Variants in SYT9 observed in about 807,000 individuals in gnomAD.
The protein encoded by SYT9 is synaptotagmin 9, also known as synaptotagmin-9.
A neutral mutation model predicts 48.4 loss-of-function variants in SYT9; 22 were observed. The ratio of observed to expected loss-of-function variants is 0.45; its 90% confidence interval spans 0.32 to 0.65. The LOEUF is 0.65. Among genes scored for constraint, SYT9 ranks in the 30% least tolerant of loss-of-function variants. The probability of loss-of-function intolerance (pLI) is 0.03; values close to 1 mark genes in which losing one functional copy is unlikely to be tolerated. For synonymous variants in SYT9, 265 were observed against 245.0 expected (o/e 1.08, Z -0.76); for missense variants, 577 against 622.0 (o/e 0.93, Z 0.77).
chr11:7,314,340 A>G lies in SYT9; in HGVS notation c.1044+399A>G. On this transcript the variant is annotated intron_variant, in intron 3 of 6. Coordinates refer to ENST00000318881, the MANE Select transcript of SYT9 (RefSeq NM_175733.4). ...ACCATTACCTGACTCTGACAGCAGT[A>G]GGTACTTACCTGTCTTCTGAGGTTG... 3 of 372,238 alleles carry G rather than the reference A, an allele frequency of 8.1e-6. 1 individual carries two copies. Among genetic ancestry groups the G allele is most frequent in the South Asian group, 6.3e-5 (3 of 47,602 alleles). 23.1% of individuals were successfully genotyped at this position (372,238 alleles called of 1,614,324 possible).
At chr11:7,241,645 G>A (rs994767423) in intron 1 of SYT9, among the ~76,000 whole-genome samples, 1 of 152,160 alleles carries the variant, frequency 6.6e-6, no homozygotes, top group African/African-American at 2.4e-5. Context: ...TAGTCAAGTG[G>A]GACTGGATTA....
At chr11:7,462,063 G>A (rs964552181) in intron 6 of SYT9, among the ~76,000 whole-genome samples, 1 of 151,900 alleles carries the variant, frequency 6.6e-6, no homozygotes, top group Non-Finnish European at 1.5e-5. Context: ...TTCATTTCTG[G>A]ACTAAGAATC....
intron 3 of SYT9, among the ~76,000 whole-genome samples, chr11:7,375,178 C>A (rs1393065585): frequency 6.6e-6 from 1 of 152,150 alleles, no homozygotes; most frequent in African/African-American, 2.4e-5. Context: ...AATAGGGAAT[C>A]CTTTCCCCAT....
At chr11:7,383,298 C>T (rs1292396572) in intron 3 of SYT9, among the ~76,000 whole-genome samples, 1 of 152,142 alleles carries the variant, frequency 6.6e-6, no homozygotes. Context: ...TAGAAAGAGG[C>T]TCTGTAAGTA....
Position 7,252,322 on chromosome 11 carries a change from C to T in SYT9, c.136C>T (p.Arg46Cys). 1.3e-6 allele frequency: 2 copies of T among 1,491,888 alleles called. No individual in the cohort carries two copies. The highest frequency in any genetic ancestry group is 8.9e-7 in the Non-Finnish European group (1 of 1,119,532). 92.4% of individuals were successfully genotyped at this position (1,491,888 alleles called of 1,614,324 possible). Reference protein sequence around the residue: ...HLRDRARPRLRDPDISVSLLT... With the variant: ...HLRDRARPRLCDPDISVSLLT... The stretch of plus-strand genomic sequence containing the variant: ...GCGGGACCGTGCCAGACCCCGGCTC[C>T]GCGACCCAGGTGAGTGCCGCCACCG... The change falls in exon 1 of 7, where the codon CGC becomes TGC. Residue 46 changes from arginine (R) to cysteine (C), a missense_variant. Physicochemically the swap from Arg to Cys is radical, Grantham distance 180. Transcript: ENST00000318881. The surrounding 1 kb of genome is among the most constrained non-coding windows in gnomAD (Gnocchi z 6.3).
chr11:7,420,227 C>T (rs775160720), intron 5 of SYT9, among the ~76,000 whole-genome samples: 14 of 152,134 alleles, frequency 9.2e-5, no homozygotes, highest in African/African-American at 1.9e-4. Context: ...AGATCCAGGA[C>T]GAGAGGTGGC....
intron 3 of SYT9, among the ~76,000 whole-genome samples, chr11:7,359,457 A>T (rs2134013660): frequency 2.1e-5 from 1 of 47,414 alleles, no homozygotes; most frequent in Non-Finnish European, 4.3e-5. Context: ...ACTAGTTTAC[A>T]GTCCCACCAA....
chr11:7,403,588 CAT>C (rs151312213), intron 3 of SYT9, among the ~76,000 whole-genome samples: 32,993 of 151,692 alleles, frequency 0.22, 3,930 homozygotes, highest in Non-Finnish European at 0.28. Context: ...GAGACACACA[CAT>C]GTATTAGTTT....
At chr11:7,256,450 G>A (rs1368354858) in intron 1 of SYT9, among the ~76,000 whole-genome samples, 2 of 152,140 alleles carry the variant, frequency 1.3e-5, no homozygotes, top group African/African-American at 4.8e-5. Flanking sequence ...TGATATATAT[G>A]AGTAAACTGA....
intron 6 of SYT9, among the ~76,000 whole-genome samples, chr11:7,424,564 G>A (rs983145885): frequency 7.2e-5 from 11 of 152,332 alleles, no homozygotes; most frequent in Middle Eastern, 3.4e-3. Context: ...GTAGTGCCAT[G>A]TAACATCTGT....
chr11:7,286,227 A>G (rs1848592754), intron 1 of SYT9, among the ~76,000 whole-genome samples: 1 of 152,202 alleles, frequency 6.6e-6, no homozygotes, highest in South Asian at 2.1e-4. Context: ...ACATTTCCAT[A>G]TATCCTCTGA....
rs189934637 is a variant in SYT9 at position 7,268,258 on chromosome 11, A to G, written c.145+15927A>G. On this transcript the variant is annotated intron_variant, in intron 1 of 6. Transcript: ENST00000318881. ...AACAATTACTGTTAATACTTTTACCAGAAGTGGAATTGCTAGGCTTATGCA... is the reference window on the plus strand; with the variant it reads ...AACAATTACTGTTAATACTTTTACCGGAAGTGGAATTGCTAGGCTTATGCA... 2.0e-4 allele frequency among the ~76,000 whole-genome samples: 30 copies of G among 152,144 alleles called. No individual in the cohort carries two copies. The East Asian group carries it at 5.6e-3, about 28-fold the overall frequency.
rs959968662 is a variant in SYT9, at chr11:7,467,050, C to T, written c.*250C>T. On this transcript the variant is annotated 3_prime_UTR_variant, in exon 7 of 7. Coordinates refer to ENST00000318881, the MANE Select transcript of SYT9 (RefSeq NM_175733.4). The stretch of plus-strand genomic sequence containing the variant: ...TGTCTCTCATGCCAAGAACCAAGAT[C>T]GGACTATGAACAAAAACAAATGATA... 1.9e-5 allele frequency: 10 copies of T among 520,276 alleles called. No homozygotes were observed. The highest frequency in any genetic ancestry group is 9.6e-5 in the African/African-American group (5 of 51,872). The allele number at this position is 520,276 out of a possible 1,614,324, so 32.2% of individuals were successfully genotyped here.
intron 6 of SYT9, among the ~76,000 whole-genome samples, chr11:7,447,972 T>C (rs1310300710): frequency 1.3e-5 from 2 of 152,228 alleles, no homozygotes. Context: ...AGTCATTGTA[T>C]GGTTTCAGAA....
intron 3 of SYT9, among the ~76,000 whole-genome samples, chr11:7,412,171 A>T (rs1055914840): frequency 1.1e-4 from 17 of 152,274 alleles, no homozygotes; most frequent in African/African-American, 4.1e-4. Context: ...TTATTTACCC[A>T]TGATTTCATT....
rs1400700540 is a variant in SYT9, at chr11:7,252,865, G to A, written c.145+534G>A. 6.6e-6 allele frequency among the ~76,000 whole-genome samples: 1 copy of A among 152,228 alleles called. No homozygotes were observed. The highest frequency in any genetic ancestry group is 1.5e-5 in the Non-Finnish European group (1 of 68,038). Reference sequence around the variant, plus strand: ...CGGGACGCGATCCGGCGTTGGGCCGGGGACAGGGTGCTTCTGGCCTTGGGC... The same window carrying A: ...CGGGACGCGATCCGGCGTTGGGCCGAGGACAGGGTGCTTCTGGCCTTGGGC... On this transcript the variant is annotated intron_variant, in intron 1 of 6. Coordinates refer to ENST00000318881, the MANE Select transcript of SYT9 (RefSeq NM_175733.4). The surrounding 1 kb of genome is among the most constrained non-coding windows in gnomAD (Gnocchi z 6.3).
chr11:7,379,071 T>C (rs1246628847), intron 3 of SYT9, among the ~76,000 whole-genome samples: 1 of 152,124 alleles, frequency 6.6e-6, no homozygotes. Flanking sequence ...TATTGGTAGA[T>C]TTGTAAAAAA....
In SYT9 at chr11:7,328,064, A is replaced by G. The variant is rs917912711; in HGVS notation, c.1044+14123A>G. 7.6e-4 allele frequency among the ~76,000 whole-genome samples: 10 copies of G among 13,148 alleles called. No individual in the cohort carries two copies. In the East Asian group the frequency reaches 0.16, roughly 212 times the overall value. The allele number at this position is 13,148 out of a possible 152,430, so 8.6% of individuals were successfully genotyped here. On this transcript the variant is annotated intron_variant, in intron 3 of 6. Transcript: ENST00000318881. ...ATGTGCACATGTACCCTAAAACTTAAAGTATAATTAAAAATAATAATAATA... is the reference window on the plus strand; with the variant it reads ...ATGTGCACATGTACCCTAAAACTTAGAGTATAATTAAAAATAATAATAATA...
At chr11:7,281,214 G>A (rs895589731) in intron 1 of SYT9, among the ~76,000 whole-genome samples, 1 of 152,210 alleles carries the variant, frequency 6.6e-6, no homozygotes, top group Non-Finnish European at 1.5e-5. Flanking sequence ...ACAGTATCAT[G>A]TCTGACAAAT....
Sources: allele counts gnomAD v4.1 joint callset (sites outside exome capture counted in the v4.1 genomes callset), GRCh38; gene constraint gnomAD v4.1.1; non-coding constraint Gnocchi (gnomAD v3.1); transcripts MANE v1.5; gene names NCBI Gene and HGNC (gene_info 2026-07-23, HGNC 2026-07-21).